The following TM4SF19 variants were observed in gnomAD, a reference collection of about 807,000 sequenced individuals.
TM4SF19 encodes the protein transmembrane 4 L six family member 19, also known as transmembrane 4 L6 family member 19.
Under a neutral mutation model 21.8 loss-of-function variants are expected in TM4SF19, and 17 were observed. The observed-to-expected ratio is 0.78, with a 90% confidence interval of 0.53 to 1.17. The LOEUF is 1.17. TM4SF19 is among the 50% of genes most tolerant of loss of function. TM4SF19 has a pLI of 0.00. For synonymous variants in TM4SF19, 107 were observed against 106.7 expected (o/e 1.00, Z -0.02); for missense variants, 216 against 252.1 (o/e 0.86, Z 0.97).
chr3:196,334,149 C>T (rs1217760584), intron 1 of TM4SF19, among the ~76,000 whole-genome samples: 1 of 152,138 alleles, frequency 6.6e-6, no homozygotes, highest in Non-Finnish European at 1.5e-5. Flanking sequence ...CCCATGTAAA[C>T]ACAACCAATA....
At position 196,327,460 on chromosome 3, in the gene TM4SF19, G is replaced by A. The variant is rs776760882; in HGVS notation, c.131C>T (p.Thr44Ile). The change falls in exon 2 of 5, where the codon ACC (threonine) becomes ATC (isoleucine). Residue 44 changes from threonine (T) to isoleucine (I), a missense_variant. Physicochemically the swap from Thr to Ile is moderately conservative, Grantham distance 89. Transcript: ENST00000273695. ...VALLLPNWDV[T>I]YLLRGLLGRH... ...GCCAAGGAGGCCCCTCAACAGGTAG[G>A]TGACATCCCAGTTAGGAAGGAGGAG... 6.2e-7 allele frequency: 1 copy of A among 1,614,162 alleles called. No homozygotes were observed. Among genetic ancestry groups the A allele is most frequent in the East Asian group, 2.2e-5 (1 of 44,876 alleles).
At position 196,327,455 on chromosome 3, in the gene TM4SF19, G is replaced by A; in HGVS notation, c.136C>T (p.Leu46=). The A allele has an allele frequency of 6.2e-7, 1 of 1,614,180 alleles. No individual in the cohort carries two copies. Among genetic ancestry groups the A allele is most frequent in the Non-Finnish European group, 8.5e-7 (1 of 1,180,034 alleles). ...TGCCTGCCAAGGAGGCCCCTCAACA[G>A]GTAGGTGACATCCCAGTTAGGAAGG... ...LLLPNWDVTY[L]LRGLLGRHAM... is the part of the protein sequence containing the mutation. Residue 46 remains leucine, a synonymous_variant, in exon 2 of 5, where the codon CTG becomes TTG. Transcript: ENST00000273695.
intron 1 of TM4SF19, among the ~76,000 whole-genome samples, chr3:196,336,737 G>C (rs1210712091): frequency 2.0e-5 from 3 of 152,338 alleles, no homozygotes; most frequent in Non-Finnish European, 4.4e-5. Flanking sequence ...CTTAAAACCA[G>C]GCTGCTGGGG....
At chr3:196,332,519 A>G (rs1727559357) in intron 1 of TM4SF19, among the ~76,000 whole-genome samples, 2 of 151,570 alleles carry the variant, frequency 1.3e-5, no homozygotes, top group Admixed American at 6.6e-5. Flanking sequence ...ATATATATAT[A>G]TAAAAGATAT....
rs532422473 is a variant in TM4SF19, at chr3:196,324,518, T to C, written c.280-78A>G. On this transcript the variant is annotated intron_variant, in intron 3 of 4. Coordinates refer to ENST00000273695, the MANE Select transcript of TM4SF19 (RefSeq NM_138461.4). ...TGCGGAGGGAGGAGAAACGCTGAGCTAAGACGGGGTCGCAGCTGGGGAGTC... is the reference window on the plus strand; with the variant it reads ...TGCGGAGGGAGGAGAAACGCTGAGCCAAGACGGGGTCGCAGCTGGGGAGTC... The C allele has an allele frequency of 2.6e-6, 4 of 1,525,360 alleles. No homozygotes were observed. The African/African-American group carries it at 5.5e-5, about 21-fold the overall frequency. The allele number at this position is 1,525,360 out of a possible 1,614,324, so 94.5% of individuals were successfully genotyped here. A position where few individuals can be genotyped will look rare whatever the true frequency, so the allele number is the denominator to read the frequency against.
intron 2 of TM4SF19, 144 bp from the exon 3 acceptor site, chr3:196,327,176 C>T (rs1477983563): frequency 1.1e-5 from 9 of 791,190 alleles, no homozygotes; most frequent in East Asian, 5.4e-5. Context: ...ATTTGTATGA[C>T]GAGCCTGATC....
At chr3:196,331,120 C>T (rs1470068561) in intron 1 of TM4SF19, among the ~76,000 whole-genome samples, 1 of 151,620 alleles carries the variant, frequency 6.6e-6, no homozygotes, top group Non-Finnish European at 1.5e-5. Context: ...TTAAAAAATA[C>T]AAAAAAATTG....
Position 196,325,669 on chromosome 3 carries a change from TAGTA to T in TM4SF19, c.280-1233_280-1230del, listed in dbSNP as rs1382087425. 6.6e-6 allele frequency: 1 copy of T among 152,130 alleles called. No homozygotes were observed. The highest frequency in any genetic ancestry group is 1.5e-5 in the Non-Finnish European group (1 of 68,028). The allele number at this position is 152,130 out of a possible 1,614,324, so 9.4% of individuals were successfully genotyped here. A position where few individuals can be genotyped will look rare whatever the true frequency, so the allele number is the denominator to read the frequency against. ...TGGGGAGGGATCAGACAAAGGTGCATAGTAAGTTTTGACTCTGAGTTAAAGGAGT... is the reference window on the plus strand; with the variant it reads ...TGGGGAGGGATCAGACAAAGGTGCATAGTTTTGACTCTGAGTTAAAGGAGT... On this transcript the variant is annotated intron_variant, in intron 3 of 4. Coordinates refer to ENST00000273695, the MANE Select transcript of TM4SF19 (RefSeq NM_138461.4). The surrounding 1 kb of genome is among the most constrained non-coding windows in gnomAD (Gnocchi z 4.3).
In TM4SF19 at chr3:196,323,963, C is replaced by A; in HGVS notation, c.484G>T (p.Val162Phe). The A allele has an allele frequency of 6.2e-7, 1 of 1,613,900 alleles. No individual in the cohort carries two copies. The change falls in exon 5 of 5, where the codon GTC becomes TTC. Residue 162 changes from valine to phenylalanine, a missense_variant. By Grantham distance (50) the Val-to-Phe change is conservative. Coordinates refer to ENST00000273695, the MANE Select transcript of TM4SF19 (RefSeq NM_138461.4). ...ACAGCTGCAGAGGGCTCCAGGCAGA[C>A]GGAGTTCCAGAGCGAACGGTCATAC... ...YLYDRSLWNS[V>F]CLEPSAAVVW...
chr3:196,335,545 T>G, intron 1 of TM4SF19, among the ~76,000 whole-genome samples: 1 of 143,224 alleles, frequency 7.0e-6, no homozygotes, highest in African/African-American at 2.7e-5. Flanking sequence ...AGGGTGGGCG[T>G]AGGATATGAA....
Position 196,338,353 on chromosome 3 carries a change from G to C in TM4SF19, c.-91C>G, listed in dbSNP as rs1234437968. On this transcript the variant is annotated 5_prime_UTR_variant, in exon 1 of 5. Transcript: ENST00000273695. ...GTGGGGCTCCACTCCTCCAGCTCCA[G>C]GGCTGGACCTGAAGGTTGTCTTTCC... The C allele has an allele frequency of 1.3e-5, 2 of 152,384 alleles. No individual in the cohort carries two copies. Among genetic ancestry groups the C allele is most frequent in the African/African-American group, 2.4e-5 (1 of 41,442 alleles). 9.4% of individuals were successfully genotyped at this position (152,384 alleles called of 1,614,324 possible). A position where few individuals can be genotyped will look rare whatever the true frequency, so the allele number is the denominator to read the frequency against.
At chr3:196,328,976 CT>C (rs1298087515) in intron 1 of TM4SF19, among the ~76,000 whole-genome samples, 1 of 151,962 alleles carries the variant, frequency 6.6e-6, no homozygotes. Context: ...CGGAGTCTCG[CT>C]CTGTTGCTCA....
Position 196,338,294 on chromosome 3 carries a change from G to A in TM4SF19, c.-32C>T, listed in dbSNP as rs1196514650. The A allele has an allele frequency of 6.6e-6, 1 of 152,306 alleles. No individual in the cohort carries two copies. Among genetic ancestry groups the A allele is most frequent in the Non-Finnish European group, 1.5e-5 (1 of 68,108 alleles). 9.4% of individuals were successfully genotyped at this position (152,306 alleles called of 1,614,324 possible). A position where few individuals can be genotyped will look rare whatever the true frequency, so the allele number is the denominator to read the frequency against. ...TCTGGTGTCAAGAATCAGAATGGGA[G>A]AGACAGAACCTGGAGAAAGGCTGCG... On this transcript the variant is annotated 5_prime_UTR_variant, in exon 1 of 5. Coordinates refer to ENST00000273695, the MANE Select transcript of TM4SF19 (RefSeq NM_138461.4).
At chr3:196,338,035 C>T (rs1177605457) in intron 1 of TM4SF19, among the ~76,000 whole-genome samples, 4 of 152,222 alleles carry the variant, frequency 2.6e-5, no homozygotes, top group African/African-American at 9.6e-5. Flanking sequence ...GGAGGAAGGG[C>T]TGCCCATGCC....
intron 4 of TM4SF19, 105 bp downstream of exon 4, chr3:196,324,166 G>T: frequency 1.4e-6 from 2 of 1,464,704 alleles, no homozygotes; most frequent in Non-Finnish European, 1.9e-6. Context: ...GGAGCAAGAT[G>T]CTAGGATGTG....
At chr3:196,337,051 CTTTTTTTTTTTT>C (rs35897935) in intron 1 of TM4SF19, among the ~76,000 whole-genome samples, 2 of 67,816 alleles carry the variant, frequency 2.9e-5, no homozygotes, top group African/African-American at 6.6e-5. Flanking sequence ...AAAAGCAATT[CTTTTTTTTTTTT>C]TTTTTTTTTT....
rs1224081777 is a variant in TM4SF19, at chr3:196,338,273, G to A, written c.-11C>T. The A allele has an allele frequency of 6.6e-6, 1 of 152,244 alleles. No individual in the cohort carries two copies. The highest frequency in any genetic ancestry group is 1.5e-5 in the Non-Finnish European group (1 of 68,080). The allele number at this position is 152,244 out of a possible 1,614,324, so 9.4% of individuals were successfully genotyped here. A position where few individuals can be genotyped will look rare whatever the true frequency, so the allele number is the denominator to read the frequency against. On this transcript the variant is annotated 5_prime_UTR_variant, in exon 1 of 5. Coordinates refer to ENST00000273695, the MANE Select transcript of TM4SF19 (RefSeq NM_138461.4). ...TTTCATCTCTGCTTACCTGCATCTGGTGTCAAGAATCAGAATGGGAGAGAC... is the reference window on the plus strand; with the variant it reads ...TTTCATCTCTGCTTACCTGCATCTGATGTCAAGAATCAGAATGGGAGAGAC...
rs763026824 is a variant in TM4SF19, at chr3:196,323,942, C to T, written c.505G>A (p.Ala169Thr). Residue 169 changes from alanine to threonine, a missense_variant, in exon 5 of 5, where the codon GCT becomes ACT. Physicochemically the swap from Ala to Thr is moderately conservative, Grantham distance 58. Coordinates refer to ENST00000273695, the MANE Select transcript of TM4SF19 (RefSeq NM_138461.4). ...WNSVCLEPSA[A>T]VVWHVSLFSA... ...AAGAGGGACACGTGCCAGACAACAGCTGCAGAGGGCTCCAGGCAGACGGAG... is the reference window on the plus strand; with the variant it reads ...AAGAGGGACACGTGCCAGACAACAGTTGCAGAGGGCTCCAGGCAGACGGAG... The T allele has an allele frequency of 3.7e-5, 60 of 1,613,996 alleles. No homozygotes were observed. In the South Asian group the frequency reaches 6.4e-4, roughly 17 times the overall value.
rs1021359368 is a variant in TM4SF19 at position 196,329,439 on chromosome 3, A to G, written c.-1-1848T>C. Reference sequence around the variant, plus strand: ...TAAAACAAAGGAGAAAAACACTGGGACCTTGGGTTAGATAAAGGTTTCTTA... The same window carrying G: ...TAAAACAAAGGAGAAAAACACTGGGGCCTTGGGTTAGATAAAGGTTTCTTA... On this transcript the variant is annotated intron_variant, in intron 1 of 4. Transcript: ENST00000273695. 1.6e-5 allele frequency among the ~76,000 whole-genome samples: 2 copies of G among 126,312 alleles called. 1 individual carries two copies. The highest frequency in any genetic ancestry group is 5.3e-4 in the South Asian group (2 of 3,792). The allele number at this position is 126,312 out of a possible 152,430, so 82.9% of individuals were successfully genotyped here. A position where few individuals can be genotyped will look rare whatever the true frequency, so the allele number is the denominator to read the frequency against.
Sources: gnomAD v4.1 joint callset for allele counts (sites outside exome capture counted in the v4.1 genomes callset) on GRCh38, gnomAD v4.1.1 for gene constraint, Gnocchi (gnomAD v3.1) non-coding constraint, MANE v1.5 for transcripts, NCBI Gene and HGNC (gene_info 2026-07-23, HGNC 2026-07-21) for gene names.